Variants in LRRC28 observed in about 807,000 individuals in gnomAD.
LRRC28 encodes leucine-rich repeat-containing protein 28.
Under a neutral mutation model 45.7 loss-of-function variants are expected in LRRC28, and 39 were observed. The ratio of observed to expected loss-of-function variants is 0.85; its 90% CI spans 0.66 to 1.12. The LOEUF is 1.12. LRRC28 is among the 50% of genes most tolerant of loss of function. The pLI is 0.00. For synonymous variants in LRRC28, 206 were observed against 178.8 expected, an observed-to-expected ratio of 1.15 and a Z score of -1.22; for missense variants, 435 against 438.5, an observed-to-expected ratio of 0.99 and a Z score of 0.07.
chr15:99,350,065 A>G, intron 6 of LRRC28, among the ~76,000 whole-genome samples: 1 of 149,794 alleles, frequency 6.7e-6, no homozygotes, highest in Non-Finnish European at 1.5e-5. Flanking sequence ...GAACCCGGGA[A>G]GCGGAGCTTG....
intron 2 of LRRC28, among the ~76,000 whole-genome samples, chr15:99,268,799 G>GA: frequency 6.6e-6 from 1 of 152,192 alleles, no homozygotes; most frequent in Non-Finnish European, 1.5e-5. Flanking sequence ...ATATTGCTTT[G>GA]AAAATTGCAT....
chr15:99,297,181 CAA>C (rs71149459), intron 5 of LRRC28: 34 of 103,444 alleles, frequency 3.3e-4, no homozygotes, highest in East Asian at 5.3e-4. Flanking sequence ...AACTCTGTCT[CAA>C]AAAAAAAAAA....
intron 2 of LRRC28, chr15:99,258,108 T>C: frequency 1.3e-6 from 2 of 1,590,928 alleles, no homozygotes; most frequent in South Asian, 2.2e-5. Context: ...GTTAAAAACC[T>C]TGGTACCATA....
chr15:99,389,500 A>T lies in LRRC28; in HGVS notation c.*3398A>T, dbSNP rs995002036. The T allele has an allele frequency of 6.6e-6, 1 of 152,244 alleles. No individual in the cohort carries two copies. Among genetic ancestry groups the T allele is most frequent in the South Asian group, 2.1e-4 (1 of 4,836 alleles). 9.4% of individuals were successfully genotyped at this position (152,244 alleles called of 1,614,324 possible). On this transcript the variant is annotated 3_prime_UTR_variant, in exon 10 of 10. Coordinates refer to ENST00000301981, the MANE Select transcript of LRRC28 (RefSeq NM_144598.5). ...CTTAAACACAATACATTGCCTCAGCATAAATAAAAACATTTTTATTAAGAT... is the reference window on the plus strand; with the variant it reads ...CTTAAACACAATACATTGCCTCAGCTTAAATAAAAACATTTTTATTAAGAT...
At chr15:99,287,457 G>A (rs1023665604) in intron 4 of LRRC28, among the ~76,000 whole-genome samples, 163 bp downstream of exon 4, 2 of 151,950 alleles carry the variant, frequency 1.3e-5, no homozygotes, top group Non-Finnish European at 2.9e-5. Flanking sequence ...ATCTAAAATG[G>A]TTATAATGGT....
intron 3 of LRRC28, among the ~76,000 whole-genome samples, chr15:99,277,173 G>C (rs574450198): frequency 1.3e-5 from 2 of 151,698 alleles, no homozygotes; most frequent in Admixed American, 1.3e-4. Context: ...TCTCTCCTTA[G>C]CTACCTCTTA....
chr15:99,290,361 C>A (rs1339248014), intron 5 of LRRC28, among the ~76,000 whole-genome samples: 1 of 151,810 alleles, frequency 6.6e-6, no homozygotes, highest in Non-Finnish European at 1.5e-5. Context: ...TTTTTTCTAA[C>A]TATAGTTAAT....
intron 2 of LRRC28, 38 bp from the exon 3 acceptor site, chr15:99,276,538 T>C: frequency 6.6e-7 from 1 of 1,512,774 alleles, no homozygotes; most frequent in Non-Finnish European, 8.9e-7. Context: ...TAGACATTTT[T>C]CAAAAATAAA....
intron 5 of LRRC28, among the ~76,000 whole-genome samples, chr15:99,304,504 C>A (rs1955107792): frequency 1.3e-5 from 2 of 152,046 alleles, no homozygotes; most frequent in South Asian, 4.1e-4. Context: ...GATCTCCGCT[C>A]ACTGCAACCT....
chr15:99,305,163 G>C (rs1046588697), intron 5 of LRRC28, among the ~76,000 whole-genome samples: 1 of 152,190 alleles, frequency 6.6e-6, no homozygotes, highest in Non-Finnish European at 1.5e-5. Flanking sequence ...TATATAAAAG[G>C]AGACTAGATG....
chr15:99,253,508 T>G (rs1301749663), intron 1 of LRRC28, among the ~76,000 whole-genome samples: 1 of 152,034 alleles, frequency 6.6e-6, no homozygotes, highest in Non-Finnish European at 1.5e-5. Context: ...CTGTTAGGGG[T>G]TTAGTAGCTT....
rs557046926 is a variant in LRRC28 at position 99,277,877 on chromosome 15, A to C, written c.209+1261A>C. On this transcript the variant is annotated intron_variant, in intron 3 of 9. Transcript: ENST00000301981. ...TTTAGGTACTTTATAGTTTTCTTTA[A>C]AATAGGTTTTGAAGATTTCTAAAGT... is the stretch of plus-strand genomic sequence containing the variant. 2.0e-5 allele frequency among the ~76,000 whole-genome samples: 3 copies of C among 152,236 alleles called. No homozygotes were observed. The East Asian group carries it at 5.8e-4, about 29-fold the overall frequency.
chr15:99,288,554 G>A (rs2082023793), intron 5 of LRRC28, among the ~76,000 whole-genome samples: 1 of 151,728 alleles, frequency 6.6e-6, no homozygotes, highest in Non-Finnish European at 1.5e-5. Context: ...GCTAATTTTT[G>A]TATTTTTGGT....
chr15:99,266,282 A>T (rs1377620102), intron 2 of LRRC28, among the ~76,000 whole-genome samples: 1 of 152,194 alleles, frequency 6.6e-6, no homozygotes, highest in African/African-American at 2.4e-5. Flanking sequence ...AAGAATACAG[A>T]TAGCAAAAAC....
intron 3 of LRRC28, chr15:99,284,932 C>G (rs2081916787): frequency 3.3e-6 from 2 of 605,230 alleles, no homozygotes; most frequent in Admixed American, 3.7e-5. Context: ...CCTCCACGAC[C>G]AAAGTTGTCA....
chr15:99,266,193 A>AG (rs1251451170), intron 2 of LRRC28, among the ~76,000 whole-genome samples: 1 of 152,214 alleles, frequency 6.6e-6, no homozygotes, highest in Non-Finnish European at 1.5e-5. Flanking sequence ...AATGAGGCAC[A>AG]GATGTTCTTT....
intron 6 of LRRC28, among the ~76,000 whole-genome samples, chr15:99,341,183 C>A (rs975410036): frequency 6.7e-6 from 1 of 149,834 alleles, no homozygotes; most frequent in Admixed American, 6.7e-5. Context: ...CTCCACCTCC[C>A]GGGTTCAAGT....
At chr15:99,265,890 T>A (rs1377370707) in intron 2 of LRRC28, among the ~76,000 whole-genome samples, 3 of 152,216 alleles carry the variant, frequency 2.0e-5, no homozygotes, top group Non-Finnish European at 4.4e-5. Context: ...TGTCAACTGC[T>A]TTTCTTAATG....
At position 99,350,122 on chromosome 15, in the gene LRRC28, G is replaced by A. The variant is rs1249094289; in HGVS notation, c.593-2247G>A. Among the ~76,000 whole-genome samples the A allele has an allele frequency of 1.4e-4, 19 of 135,322 alleles. No individual in the cohort carries two copies. In the South Asian group the frequency reaches 2.1e-3, roughly 15 times the overall value. The allele number at this position is 135,322 out of a possible 152,430, so 88.8% of individuals were successfully genotyped here. A position where few individuals can be genotyped will look rare whatever the true frequency, so the allele number is the denominator to read the frequency against. Reference sequence around the variant, plus strand: ...CTGCAGTCCGCAGTCCGGCCTGGGCGACAGAGCGAGACTCCGTCTCAAAAA... The same window carrying A: ...CTGCAGTCCGCAGTCCGGCCTGGGCAACAGAGCGAGACTCCGTCTCAAAAA... On this transcript the variant is annotated intron_variant, in intron 6 of 9. Transcript: ENST00000301981.
Sources: gnomAD v4.1 joint callset for allele counts (sites outside exome capture counted in the v4.1 genomes callset) on GRCh38, gnomAD v4.1.1 for gene constraint, MANE v1.5 for transcripts, NCBI Gene and HGNC (gene_info 2026-07-23, HGNC 2026-07-21) for gene names.